The following FYB1 variants were observed in gnomAD, a reference collection of about 807,000 sequenced individuals.
The protein encoded by FYB1 is FYN binding protein 1.
Under a neutral mutation model 94.1 loss-of-function variants are expected in FYB1, and 41 were observed. The ratio of observed to expected loss-of-function variants is 0.44; its 90% CI spans 0.34 to 0.57. The LOEUF (loss-of-function observed/expected upper bound fraction) is 0.57. Ranked by LOEUF, FYB1 falls within the 20% of genes least tolerant of loss-of-function variation. The pLI is 0.02. For missense variants in FYB1, 1,050 were observed against 976.8 expected, an observed-to-expected ratio of 1.07 and a Z score of -1.00; for synonymous variants, 367 against 353.2, an observed-to-expected ratio of 1.04 and a Z score of -0.44.
At chr5:39,183,951 T>C (rs1336246473) in intron 2 of FYB1, among the ~76,000 whole-genome samples, 1 of 152,162 alleles carries the variant, frequency 6.6e-6, no homozygotes, top group African/African-American at 2.4e-5. Context: ...GGAGAAACAC[T>C]GCCTTGAGGA....
intron 16 of FYB1, among the ~76,000 whole-genome samples, chr5:39,114,622 T>C (rs1173227241): frequency 1.4e-4 from 22 of 152,280 alleles, no homozygotes; most frequent in Non-Finnish European, 2.9e-5. Flanking sequence ...CCAAAAGATT[T>C]AGAGGCTCTG....
intron 2 of FYB1, among the ~76,000 whole-genome samples, chr5:39,174,175 G>A (rs1287132731): frequency 6.6e-6 from 1 of 152,106 alleles, no homozygotes; most frequent in Admixed American, 6.6e-5. Flanking sequence ...TCCTTGGTTA[G>A]ATGAATTCCT....
intron 1 of FYB1, among the ~76,000 whole-genome samples, chr5:39,214,406 T>C (rs1022440257): frequency 6.6e-6 from 1 of 152,192 alleles, no homozygotes; most frequent in African/African-American, 2.4e-5. Context: ...CCAAAAGAAC[T>C]GAAAGCAGGG....
chr5:39,184,079 A>T (rs1308439952), intron 2 of FYB1, among the ~76,000 whole-genome samples: 1 of 152,214 alleles, frequency 6.6e-6, no homozygotes, highest in East Asian at 1.9e-4. Flanking sequence ...AATTTAGAAG[A>T]AAAGGCAATT....
At chr5:39,193,939 A>G (rs185078672) in intron 2 of FYB1, among the ~76,000 whole-genome samples, 61 of 152,372 alleles carry the variant, frequency 4.0e-4, no homozygotes, top group African/African-American at 1.4e-3. Context: ...ACACTGGATT[A>G]GAACTTGCAG....
intron 4 of FYB1, chr5:39,139,641 A>C (rs1741984882): frequency 6.5e-6 from 1 of 153,604 alleles, no homozygotes; most frequent in Non-Finnish European, 1.4e-5. Flanking sequence ...TATGTATCAA[A>C]CAAATCAAGT....
At chr5:39,135,688 C>T (rs1189971889) in intron 7 of FYB1, among the ~76,000 whole-genome samples, 1 of 151,972 alleles carries the variant, frequency 6.6e-6, no homozygotes, top group Non-Finnish European at 1.5e-5. Context: ...AGAAGCTCTA[C>T]CTTTAATTTA....
chr5:39,123,733 G>A (rs1010283843), intron 13 of FYB1, among the ~76,000 whole-genome samples: 1 of 151,998 alleles, frequency 6.6e-6, no homozygotes, highest in Non-Finnish European at 1.5e-5. Context: ...TTCGTTCAAA[G>A]TAAATTTTAA....
intron 1 of FYB1, among the ~76,000 whole-genome samples, chr5:39,265,555 G>T (rs1752400670): frequency 6.6e-6 from 1 of 151,964 alleles, no homozygotes; most frequent in Non-Finnish European, 1.5e-5. Context: ...TACTTAGGAG[G>T]CTGAGGCAGG....
chr5:39,193,536 A>T (rs1055596007), intron 2 of FYB1, among the ~76,000 whole-genome samples: 1 of 152,216 alleles, frequency 6.6e-6, no homozygotes, highest in Non-Finnish European at 1.5e-5. Context: ...GAGGAGAGCT[A>T]ACCTTCCCAC....
intron 9 of FYB1, among the ~76,000 whole-genome samples, chr5:39,131,934 T>A (rs1034934845): frequency 1.3e-5 from 2 of 151,950 alleles, no homozygotes; most frequent in Non-Finnish European, 2.9e-5. Flanking sequence ...TTTGATGAAG[T>A]GAAGAAGAGG....
chr5:39,160,552 G>T (rs1744151911), intron 2 of FYB1, among the ~76,000 whole-genome samples: 1 of 152,196 alleles, frequency 6.6e-6, no homozygotes, highest in Non-Finnish European at 1.5e-5. Flanking sequence ...GGATTTGAAA[G>T]ACTGGCAGAA....
chr5:39,148,615 C>A (rs75880213), intron 3 of FYB1, among the ~76,000 whole-genome samples: 6 of 151,774 alleles, frequency 4.0e-5, no homozygotes, highest in Admixed American at 2.6e-4. Context: ...GCTACTGATA[C>A]GGCAAGTCTC....
At chr5:39,215,944 T>A (rs1447435305) in intron 1 of FYB1, among the ~76,000 whole-genome samples, 3 of 152,082 alleles carry the variant, frequency 2.0e-5, no homozygotes, top group Non-Finnish European at 4.4e-5. Flanking sequence ...AGTGTCCTTA[T>A]AAGATAGAGA....
chr5:39,141,020 C>T (rs1742126065), intron 4 of FYB1, 75 bp downstream of exon 4: 1 of 993,226 alleles, frequency 1.0e-6, no homozygotes, highest in Admixed American at 2.1e-5. Flanking sequence ...ATTAATGAGC[C>T]TATAAGAATG....
chr5:39,260,826 G>A (rs746699629), intron 1 of FYB1, among the ~76,000 whole-genome samples: 9 of 152,012 alleles, frequency 5.9e-5, no homozygotes, highest in Non-Finnish European at 1.2e-4. Flanking sequence ...CCCTGAATGC[G>A]TGGGGATTAT....
chr5:39,263,229 C>T (rs1752298825), intron 1 of FYB1, among the ~76,000 whole-genome samples: 1 of 152,112 alleles, frequency 6.6e-6, no homozygotes. Context: ...AGCAAGGGTG[C>T]CACAAATTTA....
intron 11 of FYB1, 64 bp downstream of exon 11, chr5:39,127,677 A>G: frequency 1.4e-6 from 2 of 1,477,484 alleles, no homozygotes; most frequent in East Asian, 2.6e-5. Context: ...TTAACTGGAA[A>G]TCAAAACTAA....
intron 16 of FYB1, chr5:39,110,685 T>C (rs1738988462): frequency 6.5e-6 from 2 of 305,706 alleles, no homozygotes; most frequent in South Asian, 4.2e-5. Context: ...CTGTAGGCTG[T>C]AGCACAGAGT....
Sources: gnomAD v4.1 joint callset for allele counts (sites outside exome capture counted in the v4.1 genomes callset) on GRCh38, gnomAD v4.1.1 for gene constraint, MANE v1.5 for transcripts, NCBI Gene and HGNC (gene_info 2026-07-23, HGNC 2026-07-21) for gene names.